MTUS2: variants seen among roughly 807,000 people sequenced by gnomAD.
The protein encoded by MTUS2 is microtubule associated scaffold protein 2.
MTUS2 carries 40 observed loss-of-function variants against 114.1 expected under a neutral mutation model. The observed-to-expected ratio is 0.35, with a 90% confidence interval of 0.27 to 0.46. The LOEUF (loss-of-function observed/expected upper bound fraction) is 0.46. Among genes scored for constraint, MTUS2 ranks in the 20% least tolerant of loss-of-function variants. The probability of loss-of-function intolerance (pLI) is 1.00; values close to 1 mark genes in which losing one functional copy is unlikely to be tolerated. For missense variants in MTUS2, 1,679 were observed against 1,705.4 expected (o/e 0.98, Z 0.27); for synonymous variants, 688 against 672.0 (o/e 1.02, Z -0.37).
Position 29,207,085 on chromosome 13 carries a change from G to A in MTUS2, c.2645-74619G>A, listed in dbSNP as rs138966064. Among the ~76,000 whole-genome samples the A allele has an allele frequency of 5.7e-3, 872 of 151,754 alleles. 7 individuals carry two copies. Among genetic ancestry groups the A allele is most frequent in the African/African-American group, 0.019 (805 of 41,406 alleles). On this transcript the variant is annotated intron_variant, in intron 5 of 15. Transcript: ENST00000612955. ...GTTTGTGTCATCTGTGATTTTTTTC[G>A]GCAGTGTTTTATAGTTTTCTTTGTA...
At chr13:29,441,519 G>A (rs1031520384) in intron 9 of MTUS2, among the ~76,000 whole-genome samples, 2 of 150,516 alleles carry the variant, frequency 1.3e-5, no homozygotes, top group African/African-American at 4.9e-5. Context: ...CATGATTGAA[G>A]CCTCTGTGTC....
chr13:29,378,517 G>A (rs2138350352), intron 8 of MTUS2, among the ~76,000 whole-genome samples: 1 of 152,166 alleles, frequency 6.6e-6, no homozygotes, highest in Middle Eastern at 3.4e-3. Context: ...CTCTGACTTG[G>A]CCAGCAGGCA....
rs542234768 is a variant in MTUS2, at chr13:29,488,226, G to T, written c.3505+221G>T. The T allele has an allele frequency of 2.5e-5, 14 of 551,290 alleles. No homozygotes were observed. The Admixed American group carries it at 4.1e-4, about 16-fold the overall frequency. The allele number at this position is 551,290 out of a possible 1,614,324, so 34.1% of individuals were successfully genotyped here. On this transcript the variant is annotated intron_variant, in intron 11 of 15. Coordinates refer to ENST00000612955, the MANE Select transcript of MTUS2 (RefSeq NM_001033602.4). ...CTCCAATGCAGTTATCCTCAACCTT[G>T]ATGAATACTGGAATTCCCCGTCCCC... is the stretch of plus-strand genomic sequence containing the variant.
At chr13:29,255,820 C>T (rs1192266322) in intron 5 of MTUS2, among the ~76,000 whole-genome samples, 1 of 152,108 alleles carries the variant, frequency 6.6e-6, no homozygotes, top group Non-Finnish European at 1.5e-5. Context: ...AGTCAGCATT[C>T]AGGAATAGCC....
Position 29,480,699 on chromosome 13 carries a change from C to A in MTUS2, c.3399+335C>A, listed in dbSNP as rs923100174. 2.6e-5 allele frequency among the ~76,000 whole-genome samples: 4 copies of A among 152,084 alleles called. No homozygotes were observed. The highest frequency in any genetic ancestry group is 7.2e-5 in the African/African-American group (3 of 41,390). ...TTATCCAAAATTATTATTCCTCCCC[C>A]AACCACATACACACTCTTTCTGTCC... On this transcript the variant is annotated intron_variant, in intron 10 of 15. Coordinates refer to ENST00000612955, the MANE Select transcript of MTUS2 (RefSeq NM_001033602.4). This position sits in a 1 kb window ranked among gnomAD's most constrained non-coding sequence, Gnocchi z 4.4.
In MTUS2 at chr13:29,503,207, C is replaced by G; in HGVS notation, c.*1C>G. On this transcript the variant is annotated 3_prime_UTR_variant, in exon 16 of 16. Transcript: ENST00000612955. ...CAGAGTCAGCACAACACCCAGATGA[C>G]GCCACTACACGGCCTGCGGGAGCTC... is the stretch of plus-strand genomic sequence containing the variant. 14 of 1,613,442 alleles carry G rather than the reference C, an allele frequency of 8.7e-6. No individual in the cohort carries two copies. The highest frequency in any genetic ancestry group is 1.2e-5 in the Non-Finnish European group (14 of 1,180,022).
At chr13:29,007,659 C>G (rs1464550784) in intron 2 of MTUS2, among the ~76,000 whole-genome samples, 2 of 152,220 alleles carry the variant, frequency 1.3e-5, no homozygotes, top group South Asian at 2.1e-4. Flanking sequence ...GTGAAGATGA[C>G]AAGGATGAAG....
At chr13:29,347,431 G>T (rs1168350358) in intron 7 of MTUS2, among the ~76,000 whole-genome samples, 1 of 50,064 alleles carries the variant, frequency 2.0e-5, no homozygotes, top group Non-Finnish European at 6.5e-5. Flanking sequence ...ATTTGGAAGT[G>T]TATGTTTAGT....
At chr13:29,307,580 G>A (rs1174505239) in intron 6 of MTUS2, 2 of 1,228,804 alleles carry the variant, frequency 1.6e-6, no homozygotes, top group African/African-American at 1.5e-5. Flanking sequence ...GTGTCAGAGG[G>A]CCCCCTCAAG....
chr13:29,371,235 T>A (rs1182366954), intron 8 of MTUS2, among the ~76,000 whole-genome samples: 3 of 143,924 alleles, frequency 2.1e-5, no homozygotes, highest in Non-Finnish European at 4.6e-5. Context: ...CCCCCTTTTT[T>A]GAGATGGAGT....
chr13:29,371,445 T>TGAC (rs371282931), intron 8 of MTUS2, among the ~76,000 whole-genome samples: 295 of 152,304 alleles, frequency 1.9e-3, no homozygotes, highest in African/African-American at 6.8e-3. Context: ...CTCAAACTCC[T>TGAC]GACCTCAGGC....
intron 5 of MTUS2, among the ~76,000 whole-genome samples, chr13:29,261,360 T>C (rs560903901): frequency 6.6e-6 from 1 of 152,320 alleles, no homozygotes; most frequent in Admixed American, 6.5e-5. Context: ...TTCATACATA[T>C]ACAGGAAAAG....
chr13:29,246,274 C>T (rs1217388862), intron 5 of MTUS2, among the ~76,000 whole-genome samples: 1 of 152,170 alleles, frequency 6.6e-6, no homozygotes, highest in African/African-American at 2.4e-5. Context: ...CAGGCAAGAA[C>T]ACTAGGGAAG....
chr13:29,202,523 G>T (rs143669057), intron 5 of MTUS2, among the ~76,000 whole-genome samples: 1 of 152,004 alleles, frequency 6.6e-6, no homozygotes, highest in African/African-American at 2.4e-5. Flanking sequence ...TGTCAAACTC[G>T]TTCTCCATCC....
intron 8 of MTUS2, among the ~76,000 whole-genome samples, chr13:29,379,456 G>A (rs934708205): frequency 2.0e-5 from 3 of 152,150 alleles, no homozygotes; most frequent in Non-Finnish European, 4.4e-5. Context: ...ACCACCAAAG[G>A]CCACCTACAG....
chr13:29,371,158 C>A (rs1333212888), intron 8 of MTUS2, among the ~76,000 whole-genome samples: 1 of 152,014 alleles, frequency 6.6e-6, no homozygotes, highest in Non-Finnish European at 1.5e-5. Flanking sequence ...GTATTCTGAG[C>A]ACTGATATGC....
rs568259797 is a variant in MTUS2 at position 28,881,158 on chromosome 13, A to G, written c.-243+41308A>G. The stretch of plus-strand genomic sequence containing the variant: ...CTCAACTTGGAGACCCCCAGTGTCT[A>G]TCGTTGCCATTGTTATGTCCATGTG... On this transcript the variant is annotated intron_variant, in intron 2 of 15. Coordinates refer to ENST00000612955, the MANE Select transcript of MTUS2 (RefSeq NM_001033602.4). Among the ~76,000 whole-genome samples, 58 of 152,248 alleles carry G rather than the reference A, an allele frequency of 3.8e-4. 1 individual carries two copies. The highest frequency in any genetic ancestry group is 1.3e-3 in the African/African-American group (55 of 41,538).
rs1462776117 is a variant in MTUS2 at position 29,287,653 on chromosome 13, C to G, written c.2806+5788C>G. ...TTTCTTTGTTGAAAACTCAAACATT[C>G]TTTCAAGCTGCCCTACAGGCATCTG... On this transcript the variant is annotated intron_variant, in intron 6 of 15. Coordinates refer to ENST00000612955, the MANE Select transcript of MTUS2 (RefSeq NM_001033602.4). Among the ~76,000 whole-genome samples, 3 of 152,218 alleles carry G rather than the reference C, an allele frequency of 2.0e-5. No homozygotes were observed. In the East Asian group the frequency reaches 5.8e-4, roughly 29 times the overall value.
intron 5 of MTUS2, among the ~76,000 whole-genome samples, chr13:29,107,756 CAA>C (rs1890728039): frequency 6.6e-6 from 1 of 152,150 alleles, no homozygotes; most frequent in African/African-American, 2.4e-5. Context: ...GAGAGAATTT[CAA>C]AGTTTCCAAA....
Sources: gnomAD v4.1 joint callset for allele counts (sites outside exome capture counted in the v4.1 genomes callset) on GRCh38, gnomAD v4.1.1 for gene constraint, Gnocchi (gnomAD v3.1) non-coding constraint, MANE v1.5 for transcripts, NCBI Gene and HGNC (gene_info 2026-07-23, HGNC 2026-07-21) for gene names.